Variants in CCDC30 observed in about 807,000 individuals in gnomAD.
CCDC30 encodes the protein coiled-coil domain containing 30.
CCDC30 carries 70 observed loss-of-function variants against 100.2 expected under a neutral mutation model. The ratio of observed to expected loss-of-function variants is 0.70; its 90% CI spans 0.58 to 0.85. The LOEUF (loss-of-function observed/expected upper bound fraction) is 0.85. Ranked by LOEUF, CCDC30 falls within the 40% of genes least tolerant of loss-of-function variation. The probability of loss-of-function intolerance (pLI) is 0.00; values close to 1 mark genes in which losing one functional copy is unlikely to be tolerated. For missense variants in CCDC30, 652 were observed against 771.2 expected (o/e 0.85, Z 1.83); for synonymous variants, 233 against 269.5 (o/e 0.86, Z 1.33).
chr1:42,641,248 T>C (rs2148683574), intron 12 of CCDC30, among the ~76,000 whole-genome samples: 1 of 145,100 alleles, frequency 6.9e-6, no homozygotes, highest in South Asian at 2.2e-4. Context: ...TGTGTGTGTG[T>C]GTGTGTGTGT....
At chr1:42,635,633 C>G (rs1312646221) in intron 11 of CCDC30, among the ~76,000 whole-genome samples, 1 of 151,596 alleles carries the variant, frequency 6.6e-6, no homozygotes, top group Non-Finnish European at 1.5e-5. Flanking sequence ...CACGGTGAAA[C>G]CCCGTCTCTA....
intron 12 of CCDC30, among the ~76,000 whole-genome samples, chr1:42,639,615 A>G (rs1647250591): frequency 6.6e-6 from 1 of 152,146 alleles, no homozygotes; most frequent in Admixed American, 6.6e-5. Flanking sequence ...ATAGACTTGG[A>G]TTCAAATTCT....
chr1:42,612,060 T>A (rs1167385582), intron 11 of CCDC30, among the ~76,000 whole-genome samples: 1 of 152,220 alleles, frequency 6.6e-6, no homozygotes, highest in Non-Finnish European at 1.5e-5. Flanking sequence ...TCCTAGTGTC[T>A]TGTCAATAAA....
At chr1:42,621,310 T>G (rs1309376498) in intron 11 of CCDC30, among the ~76,000 whole-genome samples, 1 of 151,888 alleles carries the variant, frequency 6.6e-6, no homozygotes, top group Non-Finnish European at 1.5e-5. Flanking sequence ...TTTTTGGTTT[T>G]TCTCTTTTCT....
chr1:42,488,958 C>A (rs1569780544), intron 3 of CCDC30, among the ~76,000 whole-genome samples: 1 of 152,294 alleles, frequency 6.6e-6, no homozygotes, highest in East Asian at 1.9e-4. Context: ...ACAGACCAGG[C>A]AGTATTAGAC....
At chr1:42,476,901 T>G (rs1643889368) in intron 1 of CCDC30, among the ~76,000 whole-genome samples, 1 of 150,338 alleles carries the variant, frequency 6.7e-6, no homozygotes, top group African/African-American at 2.4e-5. Flanking sequence ...TTTTGTTTTT[T>G]TTTTTTGCCT....
At chr1:42,618,657 T>C (rs1476771938) in intron 11 of CCDC30, among the ~76,000 whole-genome samples, 5 of 152,210 alleles carry the variant, frequency 3.3e-5, no homozygotes, top group African/African-American at 1.2e-4. Flanking sequence ...GCTGTGGTAA[T>C]TGTGAACAAC....
chr1:42,648,704 G>T (rs1448553990), intron 15 of CCDC30, among the ~76,000 whole-genome samples: 4 of 151,116 alleles, frequency 2.6e-5, no homozygotes, highest in Non-Finnish European at 5.9e-5. Context: ...GATTAGAGCA[G>T]AAATAAATGA....
chr1:42,644,670 C>G (rs1324077198), intron 13 of CCDC30, 23 bp from the exon 18 acceptor site: 2 of 1,364,024 alleles, frequency 1.5e-6, no homozygotes, highest in Non-Finnish European at 2.1e-6. Flanking sequence ...TCTAATCATG[C>G]CACTGATTTA....
chr1:42,473,050 A>G, intron 1 of CCDC30: 1 of 1,212,126 alleles, frequency 8.2e-7, no homozygotes, highest in Non-Finnish European at 1.0e-6. Flanking sequence ...GGTGGCACCC[A>G]CATAGATATC....
chr1:42,593,182 G>A (rs1646221918), intron 10 of CCDC30: 1 of 152,170 alleles, frequency 6.6e-6, no homozygotes, highest in Admixed American at 6.5e-5. Flanking sequence ...GCAAGTCCAG[G>A]TTTTTGCTTA....
rs532641161 is a variant in CCDC30 at position 42,615,118 on chromosome 1, A to G, written c.1277+4028A>G. Among the ~76,000 whole-genome samples, 3 of 152,224 alleles carry G rather than the reference A, an allele frequency of 2.0e-5. No homozygotes were observed. In the South Asian group the frequency reaches 6.2e-4, roughly 32 times the overall value. The stretch of plus-strand genomic sequence containing the variant: ...GAGGAACTTAGGTTTAGGGTTTTTA[A>G]GGATTTTGGATTGGGCCAAAATGTG... On this transcript the variant is annotated intron_variant, in intron 11 of 16. Coordinates refer to ENST00000668663, the Ensembl canonical transcript of CCDC30.
chr1:42,538,149 C>CAAAAAAAAAAA (rs776412637), intron 6 of CCDC30, among the ~76,000 whole-genome samples: 1 of 82,364 alleles, frequency 1.2e-5, no homozygotes, highest in African/African-American at 6.6e-5. Context: ...ACTGTCTCCA[C>CAAAAAAAAAAA]AAAAAAAAAA....
At chr1:42,575,586 C>T (rs1645817133) in intron 7 of CCDC30, among the ~76,000 whole-genome samples, 1 of 133,098 alleles carries the variant, frequency 7.5e-6, no homozygotes, top group South Asian at 2.5e-4. Context: ...GGAGGCAGAG[C>T]TTGCAGTGAG....
chr1:42,586,783 G>A (rs1333648462), intron 9 of CCDC30, among the ~76,000 whole-genome samples: 1 of 152,076 alleles, frequency 6.6e-6, no homozygotes, highest in East Asian at 1.9e-4. Flanking sequence ...TTTAAGCAGA[G>A]GAAGTTATAT....
At chr1:42,606,047 A>G (rs954731119) in intron 10 of CCDC30, among the ~76,000 whole-genome samples, 4 of 152,210 alleles carry the variant, frequency 2.6e-5, no homozygotes, top group Non-Finnish European at 5.9e-5. Flanking sequence ...ATATGTAGAT[A>G]CTATTTTATC....
chr1:42,539,405 G>A (rs939829863), intron 6 of CCDC30, 95 bp downstream of exon 8: 23 of 1,132,758 alleles, frequency 2.0e-5, no homozygotes, highest in Non-Finnish European at 2.5e-5. Flanking sequence ...CAGATGATTT[G>A]GGAATTGGAG....
intron 15 of CCDC30, among the ~76,000 whole-genome samples, chr1:42,650,492 TATA>T (rs1648245680): frequency 9.2e-6 from 1 of 109,196 alleles, no homozygotes; most frequent in Non-Finnish European, 1.9e-5. Context: ...TCTAAAAAAA[TATA>T]TATGTGTGTG....
At chr1:42,460,369 T>A (rs1643378048), upstream of CCDC30, 1 of 987,436 alleles carries the variant, frequency 1.0e-6, no homozygotes, top group Non-Finnish European at 1.2e-6. Context: ...TATAAAAAAA[T>A]CAAGTGCAAT....
Sources: allele counts gnomAD v4.1 joint callset (sites outside exome capture counted in the v4.1 genomes callset), GRCh38; gene constraint gnomAD v4.1.1; transcripts MANE v1.5; gene names NCBI Gene and HGNC (gene_info 2026-07-23, HGNC 2026-07-21).